The following SLC19A3 variants were observed in gnomAD, a reference collection of about 807,000 sequenced individuals.
SLC19A3 encodes the protein thiamine transporter 2.
Under a neutral mutation model 40.2 loss-of-function variants are expected in SLC19A3, and 31 were observed. The observed-to-expected ratio is 0.77, with a 90% CI of 0.58 to 1.04. The LOEUF (loss-of-function observed/expected upper bound fraction) is 1.04, where lower values mean the gene tolerates loss of function less well. Ranked by LOEUF, SLC19A3 falls within the 50% of genes least tolerant of loss-of-function variation. SLC19A3 has a pLI of 0.00. For missense variants in SLC19A3, 592 were observed against 596.7 expected (o/e 0.99, Z 0.08); for synonymous variants, 212 against 227.5 (o/e 0.93, Z 0.61).
intron 1 of SLC19A3, chr2:227,706,461 T>C: frequency 8.2e-7 from 1 of 1,224,818 alleles, no homozygotes; most frequent in Non-Finnish European, 1.0e-6. Context: ...AAGAACACTG[T>C]GTAAACGGTA....
intron 4 of SLC19A3, among the ~76,000 whole-genome samples, chr2:227,689,643 C>T (rs149593581): frequency 3.5e-4 from 53 of 152,182 alleles, no homozygotes; most frequent in African/African-American, 1.1e-3. Flanking sequence ...GACGTTCATG[C>T]GCAATAAGAA....
intron 4 of SLC19A3, among the ~76,000 whole-genome samples, chr2:227,692,157 T>C (rs1462293217): frequency 6.6e-6 from 1 of 152,110 alleles, no homozygotes; most frequent in Non-Finnish European, 1.5e-5. Flanking sequence ...ATTCCAATCC[T>C]AACCAAACTA....
At position 227,690,706 on chromosome 2, in the gene SLC19A3, CAAAA is replaced by C. The variant is rs34163746; in HGVS notation, c.1173-2403_1173-2400del. 1.5e-4 allele frequency among the ~76,000 whole-genome samples: 6 copies of C among 39,166 alleles called. 1 individual carries two copies. The highest frequency in any genetic ancestry group is 1.7e-3 in the South Asian group (1 of 578). The allele number at this position is 39,166 out of a possible 152,430, so 25.7% of individuals were successfully genotyped here. On this transcript the variant is annotated intron_variant, in intron 4 of 5. Coordinates refer to ENST00000644224, the MANE Select transcript of SLC19A3 (RefSeq NM_025243.4). ...TGGGTGACAGACCGAGACTCCATCT[CAAAA>C]AAAAAAAAAAAAAAAAAAAAAAATT...
At chr2:227,711,419 C>CAAAAAAAA (rs140919791) in intron 1 of SLC19A3, among the ~76,000 whole-genome samples, 1 of 97,414 alleles carries the variant, frequency 1.0e-5, no homozygotes, top group African/African-American at 3.3e-5. Flanking sequence ...GACTCTGTCT[C>CAAAAAAAA]AAAAAAATAA....
intron 1 of SLC19A3, chr2:227,702,681 C>T (rs1695750841): frequency 3.9e-6 from 1 of 256,246 alleles, no homozygotes; most frequent in African/African-American, 2.3e-5. Context: ...AATAGAGGAT[C>T]TCATTTGTCA....
chr2:227,703,117 GC>G lies in SLC19A3; in HGVS notation c.-2-798del, dbSNP rs750463391. The G allele has an allele frequency of 1.3e-5, 2 of 152,196 alleles. No homozygotes were observed. Among genetic ancestry groups the G allele is most frequent in the African/African-American group, 2.4e-5 (1 of 41,442 alleles). The allele number at this position is 152,196 out of a possible 1,614,324, so 9.4% of individuals were successfully genotyped here. A position where few individuals can be genotyped will look rare whatever the true frequency, so the allele number is the denominator to read the frequency against. On this transcript the variant is annotated intron_variant, in intron 1 of 5. Transcript: ENST00000644224. This position sits in a 1 kb window ranked among gnomAD's most constrained non-coding sequence, Gnocchi z 4.7. ...CACTCCACTCTCCCTCATTCTGGAG[GC>G]CCCCTCAGCTACTGGTATTAACCTA...
At position 227,699,517 on chromosome 2, in the gene SLC19A3, C is replaced by T. The variant is rs1249457289; in HGVS notation, c.198G>A (p.Leu66=). The T allele has an allele frequency of 6.2e-6, 10 of 1,614,156 alleles. No individual in the cohort carries two copies. In the Admixed American group the frequency reaches 6.7e-5, roughly 11 times the overall value. ...CGGTGAGGACAAACACAGGCAGCAG[C>T]AGCACCAGGTAGGAGTATGTCCAAA... is the stretch of plus-strand genomic sequence containing the variant. ...FPVWTYSYLV[L]LLPVFVLTDY... Residue 66 remains leucine, a synonymous_variant, in exon 3 of 6, where the codon CTG becomes CTA. Coordinates refer to ENST00000644224, the MANE Select transcript of SLC19A3 (RefSeq NM_025243.4).
rs1695946322 is a variant in SLC19A3 at position 227,706,457 on chromosome 2, A to T, written c.-2-4137T>A. ...TCACTTTTTAAAAAGGTACAAGAAC[A>T]CTGTGTAAACGGTAGATTAAAAATT... is the stretch of plus-strand genomic sequence containing the variant. On this transcript the variant is annotated intron_variant, in intron 1 of 5. Transcript: ENST00000644224. 13 of 1,226,496 alleles carry T rather than the reference A, an allele frequency of 1.1e-5. No individual in the cohort carries two copies. In the East Asian group the frequency reaches 4.1e-4, roughly 39 times the overall value. 76.0% of individuals were successfully genotyped at this position (1,226,496 alleles called of 1,614,324 possible). A position where few individuals can be genotyped will look rare whatever the true frequency, so the allele number is the denominator to read the frequency against.
intron 1 of SLC19A3, among the ~76,000 whole-genome samples, chr2:227,716,670 T>C (rs1696345739): frequency 6.6e-6 from 1 of 152,134 alleles, no homozygotes; most frequent in Non-Finnish European, 1.5e-5. Context: ...CGTAACCTCA[T>C]TTGCCAGGGT....
chr2:227,701,970 A>G (rs942501667), intron 2 of SLC19A3, 199 bp downstream of exon 2: 12 of 568,154 alleles, frequency 2.1e-5, no homozygotes, highest in African/African-American at 2.1e-4. Flanking sequence ...AACACATGTA[A>G]TATGTTTTGG....
At chr2:227,715,289 C>A (rs1696295417) in intron 1 of SLC19A3, among the ~76,000 whole-genome samples, 1 of 152,040 alleles carries the variant, frequency 6.6e-6, no homozygotes, top group Non-Finnish European at 1.5e-5. Flanking sequence ...ATAAAGCATG[C>A]CACACAACTT....
intron 1 of SLC19A3, among the ~76,000 whole-genome samples, chr2:227,709,235 A>G (rs1696055401): frequency 6.6e-6 from 1 of 152,182 alleles, no homozygotes; most frequent in Non-Finnish European, 1.5e-5. Context: ...TAATCCCAGC[A>G]CTTTGGGAGG....
chr2:227,706,723 A>G lies in SLC19A3; in HGVS notation c.-2-4403T>C, dbSNP rs112061359. 8.8e-3 allele frequency: 1,416 copies of G among 160,130 alleles called. 17 individuals carry two copies. Among genetic ancestry groups the G allele is most frequent in the African/African-American group, 0.032 (1,344 of 41,932 alleles). 9.9% of individuals were successfully genotyped at this position (160,130 alleles called of 1,614,324 possible). On this transcript the variant is annotated intron_variant, in intron 1 of 5. Transcript: ENST00000644224. ...GAGATGGAGGTTGCAGTGAGTGGAG[A>G]TCATGCCACTGCACCCCAACCTGGG... is the stretch of plus-strand genomic sequence containing the variant.
chr2:227,699,914 G>A (rs13426584), intron 2 of SLC19A3, among the ~76,000 whole-genome samples: 75,758 of 151,814 alleles, frequency 0.5, 19,924 homozygotes, highest in Non-Finnish European at 0.59. Context: ...GTCTTGCTCA[G>A]CTGCCCAGGC....
intron 1 of SLC19A3, among the ~76,000 whole-genome samples, chr2:227,709,427 A>G (rs1340943745): frequency 6.6e-6 from 1 of 152,106 alleles, no homozygotes; most frequent in Non-Finnish European, 1.5e-5. Flanking sequence ...GGAGGTTGCA[A>G]ATGCCAAGAT....
chr2:227,704,365 C>G (rs1477829401), intron 1 of SLC19A3, among the ~76,000 whole-genome samples: 1 of 152,142 alleles, frequency 6.6e-6, no homozygotes, highest in Non-Finnish European at 1.5e-5. Flanking sequence ...CCATTTACGA[C>G]TAGGACTATG....
Position 227,699,081 on chromosome 2 carries a change from T to A in SLC19A3, c.634A>T (p.Ser212Cys). Residue 212 changes from serine to cysteine, a missense_variant, in exon 3 of 6, where the codon AGC (serine) becomes TGC (cysteine). Coordinates refer to ENST00000644224, the MANE Select transcript of SLC19A3 (RefSeq NM_025243.4). ...KPSREIKKSS[S>C]VNPVLEETHE... ...GTTTCCTCTAATACTGGATTCACGCTTGATGACTTCTTTATTTCTCTGCTG... is the reference window on the plus strand; with the variant it reads ...GTTTCCTCTAATACTGGATTCACGCATGATGACTTCTTTATTTCTCTGCTG... 6.2e-7 allele frequency: 1 copy of A among 1,614,236 alleles called. No homozygotes were observed. Among genetic ancestry groups the A allele is most frequent in the Non-Finnish European group, 8.5e-7 (1 of 1,180,038 alleles).
chr2:227,698,491 G>A (rs1695529149), intron 3 of SLC19A3, among the ~76,000 whole-genome samples: 1 of 151,956 alleles, frequency 6.6e-6, no homozygotes, highest in Admixed American at 6.6e-5. Context: ...AGTAGAGACG[G>A]GGTTTCACTG....
Position 227,695,930 on chromosome 2 carries a change from C to T in SLC19A3, c.1131G>A (p.Leu377=), listed in dbSNP as rs1035892899. 1.2e-6 allele frequency: 2 copies of T among 1,613,998 alleles called. No homozygotes were observed. Among genetic ancestry groups the T allele is most frequent in the African/African-American group, 2.7e-5 (2 of 74,894 alleles). Reference sequence around the variant, plus strand: ...GAAGCATATAGCTGGACTTGAATATCAAATAGCCAGCATAGCACGCCCAGA... The same window carrying T: ...GAAGCATATAGCTGGACTTGAATATTAAATAGCCAGCATAGCACGCCCAGA... The part of the protein sequence containing the change: ...ANIWACYAGY[L]IFKSSYMLLI... The change falls in exon 4 of 6, where the codon TTG becomes TTA. Residue 377 remains leucine (L), a synonymous_variant. Transcript: ENST00000644224.
Sources: allele counts gnomAD v4.1 joint callset (sites outside exome capture counted in the v4.1 genomes callset), GRCh38; gene constraint gnomAD v4.1.1; non-coding constraint Gnocchi (gnomAD v3.1); transcripts MANE v1.5; gene names NCBI Gene and HGNC (gene_info 2026-07-23, HGNC 2026-07-21).